PDE3B: variants seen among roughly 807,000 people sequenced by gnomAD.
PDE3B encodes the protein phosphodiesterase 3B, also known as cGMP-inhibited 3',5'-cyclic phosphodiesterase 3B.
A neutral mutation model predicts 116.8 loss-of-function variants in PDE3B; 66 were observed. That is an observed-to-expected ratio of 0.56 (90% CI 0.46 to 0.69). The LOEUF (loss-of-function observed/expected upper bound fraction) is 0.69. Ranked by LOEUF, PDE3B falls within the 30% of genes least tolerant of loss-of-function variation. The probability of loss-of-function intolerance (pLI) is 0.00; values close to 1 mark genes in which losing one functional copy is unlikely to be tolerated. For synonymous variants in PDE3B, 595 were observed against 533.6 expected (o/e 1.12, Z -1.59); for missense variants, 1,384 against 1,368.1 (o/e 1.01, Z -0.18).
At chr11:14,678,500 T>C (rs1160771926) in intron 1 of PDE3B, among the ~76,000 whole-genome samples, 1 of 152,180 alleles carries the variant, frequency 6.6e-6, no homozygotes, top group East Asian at 1.9e-4. Flanking sequence ...TGACCAGCAC[T>C]TGGTATTGTT....
intron 4 of PDE3B, among the ~76,000 whole-genome samples, chr11:14,792,424 C>T (rs1858416703): frequency 6.6e-6 from 1 of 150,966 alleles, no homozygotes; most frequent in Non-Finnish European, 1.5e-5. Flanking sequence ...AAAGTAATAC[C>T]CTATTTGTGT....
chr11:14,690,817 G>A (rs1338097563), intron 1 of PDE3B, among the ~76,000 whole-genome samples: 1 of 152,116 alleles, frequency 6.6e-6, no homozygotes, highest in Non-Finnish European at 1.5e-5. Context: ...CTTCACTAAT[G>A]AGTATGAATT....
At chr11:14,667,957 G>T (rs908130871) in intron 1 of PDE3B, among the ~76,000 whole-genome samples, 7 of 151,668 alleles carry the variant, frequency 4.6e-5, no homozygotes, top group Admixed American at 6.6e-5. Flanking sequence ...CACTGACTTT[G>T]CTGAAGTATT....
intron 7 of PDE3B, among the ~76,000 whole-genome samples, chr11:14,828,075 CTCCCTATTCAATAAATGGTGG>C (rs2133959448): frequency 6.6e-6 from 1 of 152,178 alleles, no homozygotes; most frequent in East Asian, 1.9e-4. Flanking sequence ...GGGGAAAGGA[CTCCCTATTCAATAAATGGTGG>C]TGGGATAACT....
Position 14,771,953 on chromosome 11 carries a change from G to T in PDE3B, c.995G>T (p.Trp332Leu). ...TTTTTCTAGATGATTCTTTGGGATT[G>T]GGACTTAAAACAATGGTATAAGCCT... ...ISREQMILWD[W>L]DLKQWYKPHY... The change falls in exon 2 of 16, where the codon TGG becomes TTG. Residue 332 changes from tryptophan to leucine, a missense_variant. This residue lies in a region of PDE3B where 956 missense variants were observed against 806.8 expected (regional missense o/e 1.18). Coordinates refer to ENST00000282096, the MANE Select transcript of PDE3B (RefSeq NM_000922.4). The T allele has an allele frequency of 1.5e-6, 2 of 1,351,488 alleles. No individual in the cohort carries two copies. Among genetic ancestry groups the T allele is most frequent in the Non-Finnish European group, 2.0e-6 (2 of 1,004,616 alleles). The allele number at this position is 1,351,488 out of a possible 1,614,324, so 83.7% of individuals were successfully genotyped here. A position where few individuals can be genotyped will look rare whatever the true frequency, so the allele number is the denominator to read the frequency against.
chr11:14,779,278 G>A (rs1157633613), intron 2 of PDE3B, among the ~76,000 whole-genome samples: 1 of 152,122 alleles, frequency 6.6e-6, no homozygotes, highest in Non-Finnish European at 1.5e-5. Context: ...CCCCAACCTA[G>A]CAAGGAAGGC....
intron 1 of PDE3B, among the ~76,000 whole-genome samples, chr11:14,684,160 T>C (rs1199787667): frequency 6.6e-6 from 1 of 152,196 alleles, no homozygotes; most frequent in African/African-American, 2.4e-5. Context: ...AATGCCAAAT[T>C]GTTTTTCAAA....
chr11:14,694,032 A>G (rs1431012499), intron 1 of PDE3B, among the ~76,000 whole-genome samples: 2 of 152,118 alleles, frequency 1.3e-5, no homozygotes, highest in Non-Finnish European at 2.9e-5. Context: ...GGGGTTCAAG[A>G]TGTTAGTGGA....
intron 1 of PDE3B, among the ~76,000 whole-genome samples, chr11:14,713,956 A>G (rs1565103301): frequency 6.6e-6 from 1 of 152,134 alleles, no homozygotes; most frequent in African/African-American, 2.4e-5. Context: ...AGATGTTTCT[A>G]CTGTTTTTTT....
At chr11:14,806,660 C>T (rs1055614115) in intron 5 of PDE3B, among the ~76,000 whole-genome samples, 2 of 151,112 alleles carry the variant, frequency 1.3e-5, no homozygotes, top group African/African-American at 2.4e-5. Context: ...GAGATCGAGA[C>T]CATCCCGGCT....
At chr11:14,713,170 C>A (rs900460471) in intron 1 of PDE3B, among the ~76,000 whole-genome samples, 4 of 152,098 alleles carry the variant, frequency 2.6e-5, no homozygotes, top group Non-Finnish European at 5.9e-5. Flanking sequence ...TTACTCAAAG[C>A]ATTAATTACA....
chr11:14,732,511 T>G (rs1306027715), intron 1 of PDE3B, among the ~76,000 whole-genome samples: 1 of 152,178 alleles, frequency 6.6e-6, no homozygotes, highest in Non-Finnish European at 1.5e-5. Context: ...GAGATTCATT[T>G]TAGTGTCATT....
At position 14,843,813 on chromosome 11, in the gene PDE3B, T is replaced by A; in HGVS notation, c.2321-14T>A. ...TGCTAATGCTGGTTTATTTTGCTATTTATTGTTTCTCAGATTCTGATGGTA... is the reference window on the plus strand; with the variant it reads ...TGCTAATGCTGGTTTATTTTGCTATATATTGTTTCTCAGATTCTGATGGTA... On this transcript the variant is annotated splice_polypyrimidine_tract_variant and intron_variant, in intron 11 of 15. Transcript: ENST00000282096. 6.2e-7 allele frequency: 1 copy of A among 1,605,708 alleles called. No homozygotes were observed. The highest frequency in any genetic ancestry group is 2.2e-5 in the East Asian group (1 of 44,820).
chr11:14,873,042 C>T (rs1848159018), downstream of PDE3B, among the ~76,000 whole-genome samples: 1 of 152,148 alleles, frequency 6.6e-6, no homozygotes, highest in African/African-American at 2.4e-5. Flanking sequence ...GCCACACAAT[C>T]AAACTGAAAC....
At chr11:14,701,672 C>CTAAT (rs1855364458) in intron 1 of PDE3B, among the ~76,000 whole-genome samples, 1 of 151,596 alleles carries the variant, frequency 6.6e-6, no homozygotes, top group Non-Finnish European at 1.5e-5. Flanking sequence ...TTTTATTATG[C>CTAAT]CTCTCTCCAT....
intron 2 of PDE3B, chr11:14,774,664 A>T (rs1857733556): frequency 6.6e-6 from 1 of 152,238 alleles, no homozygotes; most frequent in South Asian, 2.1e-4. Context: ...GCTAAATATA[A>T]GTGAATGGAA....
intron 1 of PDE3B, among the ~76,000 whole-genome samples, chr11:14,683,543 T>A (rs1464465168): frequency 6.6e-6 from 1 of 152,042 alleles, no homozygotes; most frequent in Non-Finnish European, 1.5e-5. Context: ...TTCTTGTTAT[T>A]GGTAATTTAT....
intron 3 of PDE3B, among the ~76,000 whole-genome samples, chr11:14,787,315 T>G (rs11827089): frequency 0.021 from 3,163 of 152,072 alleles, 112 homozygotes; most frequent in African/African-American, 0.072. Flanking sequence ...TTGTTTTATT[T>G]GACTATTATC....
chr11:14,692,553 G>C (rs1052845701), intron 1 of PDE3B, among the ~76,000 whole-genome samples: 1 of 152,026 alleles, frequency 6.6e-6, no homozygotes, highest in East Asian at 1.9e-4. Context: ...TAATTCTTGC[G>C]AAAAATTTTT....
Sources: allele counts gnomAD v4.1 joint callset (sites outside exome capture counted in the v4.1 genomes callset), GRCh38; gene constraint gnomAD v4.1.1; regional missense constraint gnomAD v4.1.1; transcripts MANE v1.5; gene names NCBI Gene and HGNC (gene_info 2026-07-23, HGNC 2026-07-21).